Variants in POLR1F observed in about 807,000 individuals in gnomAD.
The protein encoded by POLR1F is RNA polymerase I subunit F.
POLR1F carries 23 observed loss-of-function variants against 21.8 expected under a neutral mutation model. That is an observed-to-expected ratio of 1.05 (90% CI 0.76 to 1.49). The LOEUF is 1.49. Ranked by LOEUF, POLR1F falls within the 40% of genes most tolerant of loss-of-function variation. POLR1F has a pLI of 0.00. For synonymous variants in POLR1F, 162 were observed against 152.8 expected (o/e 1.06, Z -0.45); for missense variants, 435 against 412.1 (o/e 1.06, Z -0.48).
At position 19,698,572 on chromosome 7, in the gene POLR1F, G is replaced by A. The variant is rs1162514446; in HGVS notation, c.761C>T (p.Thr254Ile). 4 of 1,613,262 alleles carry A rather than the reference G, an allele frequency of 2.5e-6. No homozygotes were observed. Among genetic ancestry groups the A allele is most frequent in the Non-Finnish European group, 3.4e-6 (4 of 1,179,728 alleles). The stretch of plus-strand genomic sequence containing the variant: ...CTGCAGGGCTGACTCTTCCATTGGA[G>A]TGTCATCTGCATCATCTGCTAGCTT... ...TTKLADDADD[T>I]PMEESALQNT... The change falls in exon 4 of 4, where the codon ACT becomes ATT. Residue 254 changes from threonine (T) to isoleucine (I), a missense_variant. Coordinates refer to ENST00000222567, the MANE Select transcript of POLR1F (RefSeq NM_001002926.2).
At chr7:19,703,572 C>T (rs1462599580) in intron 2 of POLR1F, among the ~76,000 whole-genome samples, 1 of 152,018 alleles carries the variant, frequency 6.6e-6, no homozygotes, top group African/African-American at 2.4e-5. Flanking sequence ...TTTCCATGTA[C>T]ATGTATATAT....
At chr7:19,703,506 T>C (rs902219250) in intron 2 of POLR1F, among the ~76,000 whole-genome samples, 3 of 152,294 alleles carry the variant, frequency 2.0e-5, no homozygotes, top group Middle Eastern at 3.4e-3. Context: ...GTGGATCTTG[T>C]AGTAGGTAGA....
chr7:19,698,735 T>C lies in POLR1F; in HGVS notation c.606-8A>G. The C allele has an allele frequency of 6.7e-7, 1 of 1,498,702 alleles. No homozygotes were observed. The highest frequency in any genetic ancestry group is 8.8e-7 in the Non-Finnish European group (1 of 1,130,710). The allele number at this position is 1,498,702 out of a possible 1,614,324, so 92.8% of individuals were successfully genotyped here. A position where few individuals can be genotyped will look rare whatever the true frequency, so the allele number is the denominator to read the frequency against. On this transcript the variant is annotated splice_region_variant and splice_polypyrimidine_tract_variant and intron_variant, in intron 3 of 3. Coordinates refer to ENST00000222567, the MANE Select transcript of POLR1F (RefSeq NM_001002926.2). ...GAGCGCTTGAATTGTAAACTATAAA[T>C]TAACAGTTAAAAAAATTAACAGAAC...
chr7:19,705,190 C>T (rs919337204), intron 1 of POLR1F, among the ~76,000 whole-genome samples: 2 of 152,320 alleles, frequency 1.3e-5, no homozygotes, highest in Non-Finnish European at 1.5e-5. Context: ...CTCCTAAATA[C>T]ACCACCTATG....
In POLR1F at chr7:19,708,966, C is replaced by T. The variant is rs201370197; in HGVS notation, c.51G>A (p.Gly17=). Residue 17 remains glycine (G), a synonymous_variant, in exon 1 of 4, where the codon GGG becomes GGA. Transcript: ENST00000222567. ...EAPRPAAASD[G]SLVGQAGVLP... ...GGACGCCAGCCTGCCCTACCAGAGACCCATCAGAAGCCGCCGCTGGCCGCG... is the reference window on the plus strand; with the variant it reads ...GGACGCCAGCCTGCCCTACCAGAGATCCATCAGAAGCCGCCGCTGGCCGCG... 8.0e-5 allele frequency: 129 copies of T among 1,605,440 alleles called. No homozygotes were observed. The East Asian group carries it at 2.8e-3, about 34-fold the overall frequency.
chr7:19,709,012 G>A lies in POLR1F; in HGVS notation c.5C>T (p.Ala2Val). The change falls in exon 1 of 4, where the codon GCT becomes GTT. Residue 2 changes from alanine to valine, a missense_variant. Ala to Val is a moderately conservative substitution (Grantham distance 64). Coordinates refer to ENST00000222567, the MANE Select transcript of POLR1F (RefSeq NM_001002926.2). ...CCGCGGCGCCTCTGAGCAACCTGCA[G>A]CCATGCTGCTTGTCAAGGTTCCCAC... MAAGCSEAPRPA... is the reference protein window; with the variant it reads MVAGCSEAPRPA... 2.5e-6 allele frequency: 4 copies of A among 1,574,608 alleles called. No individual in the cohort carries two copies. Among genetic ancestry groups the A allele is most frequent in the South Asian group, 2.2e-5 (2 of 90,124 alleles).
In POLR1F at chr7:19,698,422, C is replaced by T; in HGVS notation, c.911G>A (p.Ser304Asn). 1 of 1,610,726 alleles carries T rather than the reference C, an allele frequency of 6.2e-7. No individual in the cohort carries two copies. Among genetic ancestry groups the T allele is most frequent in the Non-Finnish European group, 8.5e-7 (1 of 1,179,058 alleles). Reference sequence around the variant, plus strand: ...TTTCTTTTTTTTCTTTTTATGGTCACTTTGGTAACCACTGGAGTCACTGCC... The same window carrying T: ...TTTCTTTTTTTTCTTTTTATGGTCATTTTGGTAACCACTGGAGTCACTGCC... ...FQGSDSSGYQ[S>N]DHKKKKKKRK... is the part of the protein sequence containing the mutation. Residue 304 changes from serine (S) to asparagine (N), a missense_variant, in exon 4 of 4, where the codon AGT (serine) becomes AAT (asparagine). Ser to Asn is a conservative substitution (Grantham distance 46). Coordinates refer to ENST00000222567, the MANE Select transcript of POLR1F (RefSeq NM_001002926.2).
rs769340769 is a variant in POLR1F at position 19,698,390 on chromosome 7, GTTTTC to G, written c.938_942del (p.Arg313ThrfsTer3). ...GGGGTAAATTCGGCCTCTTCACTGT[GTTTTC>G]TTTTCTTTTTTTTCTTTTTATGGTC... On this transcript the variant is annotated frameshift_variant, in exon 4 of 4. Coordinates refer to ENST00000222567, the MANE Select transcript of POLR1F (RefSeq NM_001002926.2). LOFTEE classifies it low-confidence loss of function (END_TRUNC). 17 of 1,600,134 alleles carry G rather than the reference GTTTTC, an allele frequency of 1.1e-5. No homozygotes were observed. The highest frequency in any genetic ancestry group is 5.4e-5 in the African/African-American group (4 of 73,558).
intron 3 of POLR1F, 50 bp downstream of exon 3, chr7:19,700,022 A>C (rs1469760039): frequency 1.4e-6 from 2 of 1,450,358 alleles, no homozygotes; most frequent in Admixed American, 3.4e-5. Flanking sequence ...AAAATTCAGA[A>C]TTAAATAGAA....
In POLR1F at chr7:19,698,120, T is replaced by A. The variant is rs1186080485; in HGVS notation, c.*196A>T. ...TTTTATTTTGTATAAAATGGTATTT[T>A]AACAATACTGGCTTTCCCCAAATTA... is the stretch of plus-strand genomic sequence containing the variant. On this transcript the variant is annotated 3_prime_UTR_variant, in exon 4 of 4. Transcript: ENST00000222567. 2.2e-6 allele frequency: 1 copy of A among 446,958 alleles called. No individual in the cohort carries two copies. The highest frequency in any genetic ancestry group is 3.8e-6 in the Non-Finnish European group (1 of 264,192). 27.7% of individuals were successfully genotyped at this position (446,958 alleles called of 1,614,324 possible). A position where few individuals can be genotyped will look rare whatever the true frequency, so the allele number is the denominator to read the frequency against.
Position 19,697,243 on chromosome 7 carries a change from GTA to G in POLR1F, c.*1071_*1072del, listed in dbSNP as rs1038439914. On this transcript the variant is annotated 3_prime_UTR_variant, in exon 4 of 4. Coordinates refer to ENST00000222567, the MANE Select transcript of POLR1F (RefSeq NM_001002926.2). ...TTATTAATTTTCTTATTTATTGTGT[GTA>G]TATGCACATCTGTTTCTCTTATGAC... 30 of 151,992 alleles carry G rather than the reference GTA, an allele frequency of 2.0e-4. No individual in the cohort carries two copies. Among genetic ancestry groups the G allele is most frequent in the African/African-American group, 7.2e-4 (30 of 41,394 alleles). 9.4% of individuals were successfully genotyped at this position (151,992 alleles called of 1,614,324 possible).
At chr7:19,706,157 G>C (rs1783521915) in intron 1 of POLR1F, among the ~76,000 whole-genome samples, 1 of 152,118 alleles carries the variant, frequency 6.6e-6, no homozygotes, top group Admixed American at 6.5e-5. Context: ...TAGTAAAACA[G>C]CCAGAAGCCA....
At chr7:19,699,661 T>C (rs1011519939) in intron 3 of POLR1F, among the ~76,000 whole-genome samples, 1 of 152,108 alleles carries the variant, frequency 6.6e-6, no homozygotes, top group Non-Finnish European at 1.5e-5. Context: ...ATACAGAAAT[T>C]AAAATATCTG....
chr7:19,697,368 A>AAAT lies in POLR1F; in HGVS notation c.*945_*947dup, dbSNP rs1238389025. 1 of 152,160 alleles carries AAAT rather than the reference A, an allele frequency of 6.6e-6. No individual in the cohort carries two copies. The highest frequency in any genetic ancestry group is 2.4e-5 in the African/African-American group (1 of 41,460). The allele number at this position is 152,160 out of a possible 1,614,324, so 9.4% of individuals were successfully genotyped here. On this transcript the variant is annotated 3_prime_UTR_variant, in exon 4 of 4. Transcript: ENST00000222567. ...CAAAGTAGATGGTCAAGTGTGTGGA[A>AAAT]AATGAATAAATATGGCCATGCATTG...
At chr7:19,699,619 G>C (rs924261456) in intron 3 of POLR1F, among the ~76,000 whole-genome samples, 1 of 152,068 alleles carries the variant, frequency 6.6e-6, no homozygotes, top group Non-Finnish European at 1.5e-5. Flanking sequence ...CAAGATCAGA[G>C]TTAATTCTTA....
At position 19,697,275 on chromosome 7, in the gene POLR1F, C is replaced by T. The variant is rs1380419189; in HGVS notation, c.*1041G>A. On this transcript the variant is annotated 3_prime_UTR_variant, in exon 4 of 4. Coordinates refer to ENST00000222567, the MANE Select transcript of POLR1F (RefSeq NM_001002926.2). ...CACATCTGTTTCTCTTATGACATGCCACAAGGGAAGGAACTACATCTATCT... is the reference window on the plus strand; with the variant it reads ...CACATCTGTTTCTCTTATGACATGCTACAAGGGAAGGAACTACATCTATCT... The T allele has an allele frequency of 6.6e-6, 1 of 151,990 alleles. No homozygotes were observed. The highest frequency in any genetic ancestry group is 2.4e-5 in the African/African-American group (1 of 41,394). The allele number at this position is 151,990 out of a possible 1,614,324, so 9.4% of individuals were successfully genotyped here.
chr7:19,704,213 TAC>T (rs1231435458), intron 2 of POLR1F, among the ~76,000 whole-genome samples: 1 of 152,178 alleles, frequency 6.6e-6, no homozygotes, highest in Non-Finnish European at 1.5e-5. Context: ...AACATGTGTA[TAC>T]ACACAGAGAA....
intron 1 of POLR1F, among the ~76,000 whole-genome samples, chr7:19,706,252 T>C (rs1306647497): frequency 2.0e-5 from 3 of 152,196 alleles, no homozygotes; most frequent in African/African-American, 7.2e-5. Context: ...GAGGTTTTAA[T>C]TTCCGCATGT....
chr7:19,708,653 C>T lies in POLR1F; in HGVS notation c.254+110G>A, dbSNP rs1391192343. On this transcript the variant is annotated intron_variant, in intron 1 of 3. Coordinates refer to ENST00000222567, the MANE Select transcript of POLR1F (RefSeq NM_001002926.2). ...CTCTAGAAATCCAGGGGGCTAAGCT[C>T]TGGGGGGCAATGCGACCTTTGCCAT... 11 of 1,469,962 alleles carry T rather than the reference C, an allele frequency of 7.5e-6. No homozygotes were observed. In the Admixed American group the frequency reaches 1.7e-4, roughly 22 times the overall value. 91.1% of individuals were successfully genotyped at this position (1,469,962 alleles called of 1,614,324 possible). A position where few individuals can be genotyped will look rare whatever the true frequency, so the allele number is the denominator to read the frequency against.
Sources: allele counts gnomAD v4.1 joint callset (sites outside exome capture counted in the v4.1 genomes callset), GRCh38; gene constraint gnomAD v4.1.1; transcripts MANE v1.5; gene names NCBI Gene and HGNC (gene_info 2026-07-23, HGNC 2026-07-21).